Variants in GRM8 observed in about 807,000 individuals in gnomAD.
GRM8 encodes the protein metabotropic glutamate receptor 8.
A neutral mutation model predicts 87.2 loss-of-function variants in GRM8; 47 were observed. The observed-to-expected ratio is 0.54, with a 90% CI of 0.43 to 0.69. The LOEUF (loss-of-function observed/expected upper bound fraction) is 0.69, where lower values mean the gene tolerates loss of function less well. Ranked by LOEUF, GRM8 falls within the 30% of genes least tolerant of loss-of-function variation. GRM8 has a pLI of 0.00. For missense variants in GRM8, 1,019 were observed against 1,139.2 expected (o/e 0.89, Z 1.52); for synonymous variants, 396 against 404.5 (o/e 0.98, Z 0.25).
chr7:127,181,233 C>A (rs1794416781), intron 2 of GRM8, among the ~76,000 whole-genome samples: 2 of 151,840 alleles, frequency 1.3e-5, no homozygotes. Flanking sequence ...AAGAACCCAA[C>A]CCCTTTTACA....
chr7:127,247,479 A>C (rs1481052796), intron 1 of GRM8, among the ~76,000 whole-genome samples: 1 of 152,174 alleles, frequency 6.6e-6, no homozygotes, highest in Non-Finnish European at 1.5e-5. Context: ...TATTCTCATC[A>C]ATTCATATGA....
chr7:126,500,056 A>C (rs947472820), intron 9 of GRM8, among the ~76,000 whole-genome samples: 2 of 151,966 alleles, frequency 1.3e-5, no homozygotes, highest in African/African-American at 4.8e-5. Flanking sequence ...TCAAGTACTT[A>C]TGATTTCTTT....
At position 126,805,481 on chromosome 7, in the gene GRM8, CTT is replaced by C. The variant is rs796622218; in HGVS notation, c.1157-35418_1157-35417del. On this transcript the variant is annotated intron_variant, in intron 6 of 10. Transcript: ENST00000339582. ...CTCCACTTATTCTGCTTTGAATAGTCTTTGTTATTCCCCCAGTATTACTAGAG... is the reference window on the plus strand; with the variant it reads ...CTCCACTTATTCTGCTTTGAATAGTCTGTTATTCCCCCAGTATTACTAGAG... Among the ~76,000 whole-genome samples, 92 of 152,300 alleles carry C rather than the reference CTT, an allele frequency of 6.0e-4. 1 individual carries two copies. The highest frequency in any genetic ancestry group is 2.2e-3 in the African/African-American group (91 of 41,566).
intron 7 of GRM8, among the ~76,000 whole-genome samples, chr7:126,696,209 A>G (rs1272587158): frequency 6.6e-6 from 1 of 152,152 alleles, no homozygotes; most frequent in East Asian, 1.9e-4. Context: ...TTAAGAAACA[A>G]AAACTCTTTG....
intron 3 of GRM8, among the ~76,000 whole-genome samples, chr7:127,067,410 C>T (rs767823118): frequency 2.6e-5 from 4 of 152,186 alleles, no homozygotes; most frequent in African/African-American, 9.7e-5. Context: ...AAACAGCACA[C>T]AGAATTCTAC....
intron 8 of GRM8, among the ~76,000 whole-genome samples, chr7:126,598,128 C>T (rs1797385566): frequency 6.6e-6 from 1 of 152,048 alleles, no homozygotes; most frequent in African/African-American, 2.4e-5. Context: ...ATCACATGTT[C>T]TCAGTCATAT....
chr7:127,215,104 C>A (rs2116660841), intron 2 of GRM8: 1 of 152,280 alleles, frequency 6.6e-6, no homozygotes, highest in Non-Finnish European at 1.5e-5. Context: ...TGATTTTAAT[C>A]TGTGAGAATT....
chr7:127,059,191 C>A (rs1356523719), intron 3 of GRM8, among the ~76,000 whole-genome samples: 1 of 151,730 alleles, frequency 6.6e-6, no homozygotes. Flanking sequence ...AATGAATAGG[C>A]AGAGAAGAAA....
At chr7:127,002,420 CCA>C (rs1211555107) in intron 3 of GRM8, among the ~76,000 whole-genome samples, 1 of 151,572 alleles carries the variant, frequency 6.6e-6, no homozygotes, top group South Asian at 2.1e-4. Context: ...TGGGAAATAT[CCA>C]CAGTCTTTTC....
chr7:127,245,821 G>T (rs17867322), intron 1 of GRM8, among the ~76,000 whole-genome samples: 1 of 152,080 alleles, frequency 6.6e-6, no homozygotes, highest in Admixed American at 6.5e-5. Context: ...CTGGAACACA[G>T]AATTAATTGC....
chr7:126,957,504 C>T (rs1041547968), intron 3 of GRM8, among the ~76,000 whole-genome samples: 4 of 152,202 alleles, frequency 2.6e-5, no homozygotes, highest in Admixed American at 1.3e-4. Context: ...CCACGACCCC[C>T]GCAGGCTCAG....
chr7:126,910,150 A>G (rs1384972732), intron 3 of GRM8, among the ~76,000 whole-genome samples: 8 of 152,170 alleles, frequency 5.3e-5, no homozygotes, highest in Non-Finnish European at 1.2e-4. Context: ...GTTCTTCAGC[A>G]TATAGCCAGT....
chr7:126,561,897 G>A (rs1946110), intron 8 of GRM8, among the ~76,000 whole-genome samples: 46,538 of 150,160 alleles, frequency 0.31, 8,024 homozygotes, highest in East Asian at 0.44. Flanking sequence ...TTGTCCTTGC[G>A]ATAGTTCGCT....
chr7:126,580,038 T>C (rs1795468181), intron 8 of GRM8, among the ~76,000 whole-genome samples: 1 of 152,160 alleles, frequency 6.6e-6, no homozygotes, highest in South Asian at 2.1e-4. Context: ...ATTTTTAAAT[T>C]TTTTTCAGTA....
At chr7:126,601,178 G>C (rs932369462) in intron 8 of GRM8, among the ~76,000 whole-genome samples, 1 of 149,506 alleles carries the variant, frequency 6.7e-6, no homozygotes, top group Admixed American at 6.8e-5. Context: ...GAGAATATGC[G>C]GTGTTTGGTT....
At chr7:127,206,641 A>G (rs1193358120) in intron 2 of GRM8, among the ~76,000 whole-genome samples, 4 of 145,310 alleles carry the variant, frequency 2.8e-5, no homozygotes, top group Non-Finnish European at 5.9e-5. Flanking sequence ...TCCCAGGCAC[A>G]TGCATGTCAA....
chr7:126,738,275 T>C (rs1250622444), intron 7 of GRM8, among the ~76,000 whole-genome samples: 1 of 152,002 alleles, frequency 6.6e-6, no homozygotes. Context: ...GAAAGTATGA[T>C]GATAGAAGTG....
intron 9 of GRM8, chr7:126,511,022 TA>T (rs1811292097): frequency 6.6e-6 from 1 of 152,122 alleles, no homozygotes; most frequent in African/African-American, 2.4e-5. Flanking sequence ...AGCAGACAGG[TA>T]AGAAGCCATC....
chr7:126,889,418 T>C (rs1800788758), intron 6 of GRM8, among the ~76,000 whole-genome samples: 1 of 152,090 alleles, frequency 6.6e-6, no homozygotes, highest in South Asian at 2.1e-4. Flanking sequence ...TCCAGCACTT[T>C]GAACAGATTT....
Sources: gnomAD v4.1 joint callset for allele counts (sites outside exome capture counted in the v4.1 genomes callset) on GRCh38, gnomAD v4.1.1 for gene constraint, MANE v1.5 for transcripts, NCBI Gene and HGNC (gene_info 2026-07-23, HGNC 2026-07-21) for gene names.